The following EML2 variants were observed in gnomAD, a reference collection of about 807,000 sequenced individuals.
The protein encoded by EML2 is echinoderm microtubule-associated protein-like 2.
EML2 carries 59 observed loss-of-function variants against 84.7 expected under a neutral mutation model. That is an observed-to-expected ratio of 0.70 (90% confidence interval 0.56 to 0.86). The LOEUF (loss-of-function observed/expected upper bound fraction) is 0.86. Ranked by LOEUF, EML2 falls within the 40% of genes least tolerant of loss-of-function variation. The probability of loss-of-function intolerance (pLI) is 0.00; values close to 1 mark genes in which losing one functional copy is unlikely to be tolerated. For missense variants in EML2, 818 were observed against 855.6 expected (o/e 0.96, Z 0.55); for synonymous variants, 352 against 348.9 (o/e 1.01, Z -0.10).
chr19:45,621,595 CCGT>C lies in EML2; in HGVS notation c.881_883del (p.Asp294del), dbSNP rs752343773. On this transcript the variant is annotated inframe_deletion, in exon 10 of 19. Coordinates refer to ENST00000245925, the MANE Select transcript of EML2 (RefSeq NM_012155.4). ...CAGGGCGCAGAGCCCAAACACGCCGCCGTCGTGGGCGCCCAGCACCGCCTGTGT... is the reference window on the plus strand; with the variant it reads ...CAGGGCGCAGAGCCCAAACACGCCGCCGTGGGCGCCCAGCACCGCCTGTGT... 1.9e-6 allele frequency: 3 copies of C among 1,610,870 alleles called. No individual in the cohort carries two copies. The South Asian group carries it at 3.3e-5, about 18-fold the overall frequency.
At chr19:45,637,699 G>A (rs558684354) in intron 3 of EML2, among the ~76,000 whole-genome samples, 5 of 120,238 alleles carry the variant, frequency 4.2e-5, no homozygotes, top group South Asian at 2.6e-4. Context: ...TTTTTGAGAC[G>A]GAGTTTCACT....
Position 45,621,345 on chromosome 19 carries a change from A to G in EML2, c.997-13T>C. 6.3e-7 allele frequency: 1 copy of G among 1,594,270 alleles called. No homozygotes were observed. Among genetic ancestry groups the G allele is most frequent in the South Asian group, 1.1e-5 (1 of 88,710 alleles). On this transcript the variant is annotated splice_polypyrimidine_tract_variant and intron_variant, in intron 10 of 18. Transcript: ENST00000245925. ...AGTCCTCAGGGACCTGGGTGGACAG[A>G]TAAGAGGGAAGATGAGTAGGATGCA...
chr19:45,614,798 G>A (rs1970843797), intron 16 of EML2, 98 bp from the exon 17 acceptor site: 1 of 998,268 alleles, frequency 1.0e-6, no homozygotes, highest in South Asian at 1.3e-5. Flanking sequence ...CAAGACAGAG[G>A]AGGCTAAGGT....
intron 7 of EML2, among the ~76,000 whole-genome samples, chr19:45,629,620 G>A (rs1007821513): frequency 1.3e-5 from 2 of 149,022 alleles, no homozygotes; most frequent in African/African-American, 2.5e-5. Context: ...CACCGTGCCC[G>A]GCCTTTTTTT....
Position 45,635,200 on chromosome 19 carries a change from ATGATCCCAGCTCAC to A in EML2, c.180-743_180-730del, listed in dbSNP as rs202217207. On this transcript the variant is annotated intron_variant, in intron 3 of 18. Coordinates refer to ENST00000245925, the MANE Select transcript of EML2 (RefSeq NM_012155.4). ...GTCACCCAGGCTGGAGTGCAGTGGC[ATGATCCCAGCTCAC>A]TGCAACCTCCGCCTCCTGGGTTCAA... Among the ~76,000 whole-genome samples the A allele has an allele frequency of 4.7e-5, 7 of 149,718 alleles. No individual in the cohort carries two copies. The East Asian group carries it at 1.4e-3, about 30-fold the overall frequency.
At chr19:45,619,021 C>A (rs765215042) in intron 12 of EML2, 39 bp downstream of exon 12, 9 of 1,555,936 alleles carry the variant, frequency 5.8e-6, no homozygotes, top group Non-Finnish European at 7.0e-6. Context: ...AAAGGTAGTT[C>A]TGTTAGAATG....
chr19:45,614,959 A>G (rs113600066), intron 16 of EML2: 6 of 382,152 alleles, frequency 1.6e-5, no homozygotes, highest in African/African-American at 1.0e-4. Context: ...AGGCAGCATG[A>G]GCCACAGCAT....
chr19:45,613,534 G>T lies in EML2; in HGVS notation c.1824+7C>A. ...CCCGTCCATCCCCATCTCCCCAAGG[G>T]ACTCACTCGAGGCTGACAGCAGGGG... is the stretch of plus-strand genomic sequence containing the variant. On this transcript the variant is annotated splice_region_variant and intron_variant, in intron 18 of 18. Transcript: ENST00000245925. 6.2e-7 allele frequency: 1 copy of T among 1,613,706 alleles called. No homozygotes were observed. Among genetic ancestry groups the T allele is most frequent in the Non-Finnish European group, 8.5e-7 (1 of 1,179,854 alleles).
chr19:45,645,459 G>T, upstream of EML2: 1 of 1,409,356 alleles, frequency 7.1e-7, no homozygotes, highest in Non-Finnish European at 9.2e-7. Context: ...AGCTCAGCTC[G>T]CCTGGCATCA....
In EML2 at chr19:45,632,086, G is replaced by T. The variant is rs561388080; in HGVS notation, c.510+775C>A. Among the ~76,000 whole-genome samples the T allele has an allele frequency of 1.1e-4, 16 of 151,222 alleles. No individual in the cohort carries two copies. The East Asian group carries it at 3.1e-3, about 30-fold the overall frequency. On this transcript the variant is annotated intron_variant, in intron 6 of 18. Coordinates refer to ENST00000245925, the MANE Select transcript of EML2 (RefSeq NM_012155.4). ...ATTTTTGTATTTTCAGTAGAGACGGGGTTTCACCATGTTGGCCAGGCTGGT... is the reference window on the plus strand; with the variant it reads ...ATTTTTGTATTTTCAGTAGAGACGGTGTTTCACCATGTTGGCCAGGCTGGT...
At chr19:45,642,340 G>A (rs760503042), upstream of EML2, 4 of 1,531,178 alleles carry the variant, frequency 2.6e-6, no homozygotes, top group South Asian at 3.6e-5. Context: ...GCTCGTGCCC[G>A]ACAAATTGTC....
At chr19:45,639,764 C>T (rs1285277777), upstream of EML2, among the ~76,000 whole-genome samples, 4 of 152,080 alleles carry the variant, frequency 2.6e-5, no homozygotes, top group South Asian at 8.3e-4. Context: ...GAGGCCGAGG[C>T]GGGCAGATCA....
intron 16 of EML2, 32 bp downstream of exon 16, chr19:45,615,770 G>T (rs755834309): frequency 1.3e-6 from 2 of 1,573,042 alleles, no homozygotes; most frequent in Non-Finnish European, 1.7e-6. Context: ...TGAGACGGAG[G>T]AAGTAATGTC....
Position 45,615,865 on chromosome 19 carries a change from GGT to G in EML2, c.1532_1533del (p.His511ProfsTer18). 1 of 1,614,012 alleles carries G rather than the reference GGT, an allele frequency of 6.2e-7. No homozygotes were observed. The highest frequency in any genetic ancestry group is 8.5e-7 in the Non-Finnish European group (1 of 1,179,954). ...CAGCTGCTGTCCTGGGCCCAATCCA[GGT>G]GGGTGATAAAACTGGAATGGCCCTG... ...KCSGHSSFIT[H>X]LDWAQDSSCF... is the part of the protein sequence containing the mutation. On this transcript the variant is annotated frameshift_variant, in exon 16 of 19. Coordinates refer to ENST00000245925, the MANE Select transcript of EML2 (RefSeq NM_012155.4). LOFTEE classifies it high-confidence loss of function.
At chr19:45,635,583 C>CT (rs1172930803) in intron 3 of EML2, among the ~76,000 whole-genome samples, 1,343 of 108,464 alleles carry the variant, frequency 0.012, 134 homozygotes, top group Non-Finnish European at 0.018. Flanking sequence ...TGTCTGTTTC[C>CT]TTTTTTTTTT....
chr19:45,625,352 C>T (rs1304359566), intron 8 of EML2, among the ~76,000 whole-genome samples: 3 of 152,056 alleles, frequency 2.0e-5, no homozygotes, highest in East Asian at 1.9e-4. Flanking sequence ...GCGATTCTCC[C>T]GCTGCAGCCT....
upstream of EML2, chr19:45,645,362 G>GC (rs997582141): frequency 7.9e-5 from 121 of 1,526,726 alleles, no homozygotes; most frequent in Admixed American, 9.9e-5. Context: ...GCCACCGCCG[G>GC]CCCCCCCGGT....
chr19:45,638,758 C>T, intron 2 of EML2, 87 bp downstream of exon 2: 3 of 1,594,004 alleles, frequency 1.9e-6, no homozygotes, highest in Non-Finnish European at 2.6e-6. Context: ...GGCAAAGACC[C>T]AGTAGCCAAG....
At chr19:45,638,731 GA>G in intron 2 of EML2, 97 bp from the exon 3 acceptor site, 1 of 1,586,916 alleles carries the variant, frequency 6.3e-7, no homozygotes, top group Non-Finnish European at 8.6e-7. Flanking sequence ...TAAAGGCAGG[GA>G]AACTGAGGCC....
Sources: allele counts gnomAD v4.1 joint callset (sites outside exome capture counted in the v4.1 genomes callset), GRCh38; gene constraint gnomAD v4.1.1; transcripts MANE v1.5; gene names NCBI Gene and HGNC (gene_info 2026-07-23, HGNC 2026-07-21).